EMP2: variants seen among roughly 807,000 people sequenced by gnomAD.
EMP2 encodes epithelial membrane protein 2.
A neutral mutation model predicts 13.7 loss-of-function variants in EMP2; 19 were observed. The ratio of observed to expected loss-of-function variants is 1.38; its 90% CI spans 0.97 to 2.03. EMP2 has a LOEUF of 2.03. EMP2 is among the 30% of genes most tolerant of loss of function. The probability of loss-of-function intolerance (pLI) is 0.00; values close to 1 mark genes in which losing one functional copy is unlikely to be tolerated. For missense variants in EMP2, 253 were observed against 220.7 expected (o/e 1.15, Z -0.93); for synonymous variants, 97 against 84.7 (o/e 1.15, Z -0.80).
At chr16:10,539,833 A>G (rs1159608374) in intron 3 of EMP2, among the ~76,000 whole-genome samples, 1 of 152,170 alleles carries the variant, frequency 6.6e-6, no homozygotes, top group Admixed American at 6.5e-5. Flanking sequence ...GAATTCCAAT[A>G]TGGAGCCCAA....
chr16:10,565,481 A>G (rs1221879295), intron 1 of EMP2, among the ~76,000 whole-genome samples: 1 of 152,230 alleles, frequency 6.6e-6, no homozygotes, highest in Non-Finnish European at 1.5e-5. Flanking sequence ...ATGGGTCTCC[A>G]AGCCTGCTGG....
chr16:10,545,234 G>C (rs1282732707), intron 2 of EMP2: 1 of 152,186 alleles, frequency 6.6e-6, no homozygotes, highest in Admixed American at 6.5e-5. Flanking sequence ...CAAAGGACTA[G>C]ATGGGAAGAA....
rs1235593210 is a variant in EMP2 at position 10,529,534 on chromosome 16, C to T, written c.*3371G>A. The T allele has an allele frequency of 6.6e-6, 1 of 152,204 alleles. No homozygotes were observed. The highest frequency in any genetic ancestry group is 1.5e-5 in the Non-Finnish European group (1 of 68,056). 9.4% of individuals were successfully genotyped at this position (152,204 alleles called of 1,614,324 possible). A position where few individuals can be genotyped will look rare whatever the true frequency, so the allele number is the denominator to read the frequency against. On this transcript the variant is annotated 3_prime_UTR_variant, in exon 5 of 5. Transcript: ENST00000359543. Reference sequence around the variant, plus strand: ...TTTCAGACCGCATTCAACACAGATACTCATGTAGCCCCGACGTTTCTTGTG... The same window carrying T: ...TTTCAGACCGCATTCAACACAGATATTCATGTAGCCCCGACGTTTCTTGTG...
At chr16:10,571,865 G>T (rs931052475) in intron 1 of EMP2, among the ~76,000 whole-genome samples, 1 of 152,210 alleles carries the variant, frequency 6.6e-6, no homozygotes, top group Non-Finnish European at 1.5e-5. Flanking sequence ...GGCGGTAGTG[G>T]TGTATACTGA....
chr16:10,544,047 T>G (rs9923799), intron 2 of EMP2: 97,903 of 227,766 alleles, frequency 0.43, 21,622 homozygotes, highest in East Asian at 0.66. Flanking sequence ...GTAGAGTCAG[T>G]GTTTACTATG....
At chr16:10,547,318 C>G in intron 2 of EMP2, 1 of 524,702 alleles carries the variant, frequency 1.9e-6, no homozygotes, top group East Asian at 3.2e-5. Context: ...TGCACACGCT[C>G]TCTTGCCTGC....
At chr16:10,544,908 T>C (rs1372418863) in intron 2 of EMP2, 1 of 151,974 alleles carries the variant, frequency 6.6e-6, no homozygotes, top group Non-Finnish European at 1.5e-5. Flanking sequence ...AACATTGCAA[T>C]GGATGGGATG....
At position 10,543,666 on chromosome 16, in the gene EMP2, A is replaced by T. The variant is rs775682004; in HGVS notation, c.79-6T>A. The T allele has an allele frequency of 3.1e-6, 5 of 1,614,012 alleles. No homozygotes were observed. The South Asian group carries it at 5.5e-5, about 18-fold the overall frequency. On this transcript the variant is annotated splice_polypyrimidine_tract_variant and splice_region_variant and intron_variant, in intron 2 of 4. Coordinates refer to ENST00000359543, the MANE Select transcript of EMP2 (RefSeq NM_001424.6). ...TCATCTCCTACCCACCAGGCCTGTA[A>T]CACAAAATGGAAATAGAGAGAAAGG...
At chr16:10,539,187 C>G (rs7184187) in intron 3 of EMP2, among the ~76,000 whole-genome samples, 127,624 of 152,060 alleles carry the variant, frequency 0.84, 53,666 homozygotes, top group South Asian at 0.85. Context: ...CAAAAGATAA[C>G]GTGAGGGGAC....
At chr16:10,558,170 C>T (rs887584410) in intron 1 of EMP2, among the ~76,000 whole-genome samples, 3 of 152,042 alleles carry the variant, frequency 2.0e-5, no homozygotes, top group African/African-American at 7.2e-5. Flanking sequence ...GCTGGGACTA[C>T]AGCTGTGCAC....
chr16:10,537,201 T>C (rs1480849582), intron 4 of EMP2, among the ~76,000 whole-genome samples: 2 of 152,214 alleles, frequency 1.3e-5, no homozygotes, highest in African/African-American at 4.8e-5. Context: ...AAATCGTCAC[T>C]GAGAAACAAC....
rs187816064 is a variant in EMP2, at chr16:10,529,631, T to C, written c.*3274A>G. On this transcript the variant is annotated 3_prime_UTR_variant, in exon 5 of 5. Coordinates refer to ENST00000359543, the MANE Select transcript of EMP2 (RefSeq NM_001424.6). ...GTGTTTTGTTTGTTTCCATCGTGAC[T>C]ACCAGAAAATTATAGAAGGCCAGAC... is the stretch of plus-strand genomic sequence containing the variant. 6 of 152,238 alleles carry C rather than the reference T, an allele frequency of 3.9e-5. No individual in the cohort carries two copies. Among genetic ancestry groups the C allele is most frequent in the Admixed American group, 3.9e-4 (6 of 15,282 alleles). 9.4% of individuals were successfully genotyped at this position (152,238 alleles called of 1,614,324 possible).
At chr16:10,536,381 G>A (rs2050647249) in intron 4 of EMP2, among the ~76,000 whole-genome samples, 1 of 152,132 alleles carries the variant, frequency 6.6e-6, no homozygotes, top group Non-Finnish European at 1.5e-5. Context: ...ATCCCCACAT[G>A]TCAAGGACGG....
rs114929922 is a variant in EMP2, at chr16:10,560,167, A to G, written c.-60-12490T>C. On this transcript the variant is annotated intron_variant, in intron 1 of 4. Transcript: ENST00000359543. Reference sequence around the variant, plus strand: ...CTGTTACTTTAAGAGCTGATCAGGGATCTAGCAAAAGTCCTAGGCTCACAC... The same window carrying G: ...CTGTTACTTTAAGAGCTGATCAGGGGTCTAGCAAAAGTCCTAGGCTCACAC... Among the ~76,000 whole-genome samples the G allele has an allele frequency of 5.0e-3, 757 of 152,276 alleles. 7 individuals carry two copies. The highest frequency in any genetic ancestry group is 0.017 in the African/African-American group (720 of 41,572).
chr16:10,576,456 G>A (rs1044333403), intron 1 of EMP2: 6 of 152,008 alleles, frequency 3.9e-5, no homozygotes, highest in Non-Finnish European at 7.4e-5. Flanking sequence ...TTAAGACTAT[G>A]AGCGGTCTGC....
intron 4 of EMP2, among the ~76,000 whole-genome samples, chr16:10,533,666 G>C (rs2142166304): frequency 6.6e-6 from 1 of 152,264 alleles, no homozygotes; most frequent in African/African-American, 2.4e-5. Flanking sequence ...GTTACAATAA[G>C]ATTTTATTTA....
intron 1 of EMP2, among the ~76,000 whole-genome samples, chr16:10,554,791 C>G (rs947894764): frequency 2.0e-5 from 3 of 152,120 alleles, no homozygotes; most frequent in Non-Finnish European, 4.4e-5. Flanking sequence ...TTCCCTGGAG[C>G]GGTCTCTCCG....
Position 10,538,205 on chromosome 16 carries a change from A to T in EMP2, c.170-131T>A, listed in dbSNP as rs116053966. 3,108 of 1,129,550 alleles carry T rather than the reference A, an allele frequency of 2.8e-3. 60 individuals are homozygous for T. In the African/African-American group the frequency reaches 0.042, roughly 15 times the overall value. 70.0% of individuals were successfully genotyped at this position (1,129,550 alleles called of 1,614,324 possible). A position where few individuals can be genotyped will look rare whatever the true frequency, so the allele number is the denominator to read the frequency against. ...CAGGAAGGGGTTCAGGCGGTCGTCT[A>T]CATGGTCTGAGCACAAGGGCAGCCA... On this transcript the variant is annotated intron_variant, in intron 3 of 4. Coordinates refer to ENST00000359543, the MANE Select transcript of EMP2 (RefSeq NM_001424.6).
At chr16:10,563,403 G>A (rs1882030954) in intron 1 of EMP2, among the ~76,000 whole-genome samples, 2 of 152,138 alleles carry the variant, frequency 1.3e-5, no homozygotes, top group Admixed American at 1.3e-4. Flanking sequence ...TGTTGGCCAG[G>A]CTGTTCTCAA....
Sources: allele counts gnomAD v4.1 joint callset (sites outside exome capture counted in the v4.1 genomes callset), GRCh38; gene constraint gnomAD v4.1.1; transcripts MANE v1.5; gene names NCBI Gene and HGNC (gene_info 2026-07-23, HGNC 2026-07-21).